The following SDK1 variants were observed in gnomAD, a reference collection of about 807,000 sequenced individuals.
SDK1 encodes the protein protein sidekick-1.
In SDK1, 157 loss-of-function variants were observed where a neutral mutation model predicts 245.5. The ratio of observed to expected loss-of-function variants is 0.64; its 90% CI spans 0.56 to 0.73. SDK1 has a LOEUF of 0.73. Among genes scored for constraint, SDK1 ranks in the 30% least tolerant of loss-of-function variants. SDK1 has a pLI of 0.00. For synonymous variants in SDK1, 1,647 were observed against 1,278.5 expected (o/e 1.29, Z -6.15); for missense variants, 3,583 against 3,002.3 (o/e 1.19, Z -4.52).
chr7:4,123,621 T>C (rs541313680), intron 25 of SDK1, among the ~76,000 whole-genome samples: 1 of 152,330 alleles, frequency 6.6e-6, no homozygotes, highest in East Asian at 1.9e-4. Context: ...GACACCTCTC[T>C]ACTCAAATAA....
intron 19 of SDK1, among the ~76,000 whole-genome samples, chr7:4,062,390 A>C (rs1779599594): frequency 6.6e-6 from 1 of 151,140 alleles, no homozygotes; most frequent in Admixed American, 6.6e-5. Context: ...AACACATACA[A>C]CCTACCAAGA....
In SDK1 at chr7:3,859,011, C is replaced by T. The variant is rs547209472; in HGVS notation, c.847+37428C>T. On this transcript the variant is annotated intron_variant, in intron 5 of 44. Transcript: ENST00000404826. ...CCGAGTAGCTGGGACCACAGGCGCC[C>T]GCCACCATGCCCGGCTAATTTTTTG... Among the ~76,000 whole-genome samples the T allele has an allele frequency of 6.0e-5, 9 of 150,648 alleles. No homozygotes were observed. In the South Asian group the frequency reaches 1.0e-3, roughly 18 times the overall value.
intron 5 of SDK1, among the ~76,000 whole-genome samples, chr7:3,918,696 C>T (rs532532918): frequency 2.0e-5 from 3 of 152,300 alleles, no homozygotes; most frequent in Admixed American, 2.0e-4. Flanking sequence ...TGAAACCAGT[C>T]CCTGTGCCAA....
intron 1 of SDK1, among the ~76,000 whole-genome samples, chr7:3,515,620 A>T (rs1474793029): frequency 6.6e-6 from 1 of 152,206 alleles, no homozygotes; most frequent in Non-Finnish European, 1.5e-5. Context: ...CAAAATTTAA[A>T]ACTGAAGGAA....
At position 4,265,140 on chromosome 7, in the gene SDK1, A is replaced by G. The variant is rs1788379863; in HGVS notation, c.6398A>G (p.Tyr2133Cys). 1 of 1,612,018 alleles carries G rather than the reference A, an allele frequency of 6.2e-7. No individual in the cohort carries two copies. Among genetic ancestry groups the G allele is most frequent in the African/African-American group, 1.3e-5 (1 of 75,026 alleles). ...ASESEATDSD[Y>C]EDALPKHSFV... is the part of the protein sequence containing the mutation. The stretch of plus-strand genomic sequence containing the variant: ...TCCCCGCAGGCCACGGACTCTGACT[A>G]CGAGGACGCGCTGCCCAAGCACTCC... Residue 2133 changes from tyrosine to cysteine, a missense_variant, in exon 45 of 45, where the codon TAC becomes TGC. By Grantham distance (194) the Tyr-to-Cys change is radical (BLOSUM62 -2). Coordinates refer to ENST00000404826, the MANE Select transcript of SDK1 (RefSeq NM_152744.4).
chr7:3,654,436 T>C (rs1783100927), intron 4 of SDK1, among the ~76,000 whole-genome samples: 2 of 152,288 alleles, frequency 1.3e-5, no homozygotes, highest in Admixed American at 1.3e-4. Flanking sequence ...TGGACTCCGA[T>C]GCTTGTGAGG....
chr7:4,064,978 G>C (rs1253762801), intron 19 of SDK1, among the ~76,000 whole-genome samples: 2 of 152,154 alleles, frequency 1.3e-5, no homozygotes, highest in Non-Finnish European at 2.9e-5. Context: ...AACAGAAGGA[G>C]TAAGTTCCAA....
intron 28 of SDK1, among the ~76,000 whole-genome samples, chr7:4,133,617 G>A (rs1025258792): frequency 8.5e-5 from 13 of 152,214 alleles, no homozygotes; most frequent in African/African-American, 2.2e-4. Flanking sequence ...AGCCAAGACC[G>A]AATGCTTTCA....
At chr7:3,600,791 G>T (rs934881845) in intron 1 of SDK1, among the ~76,000 whole-genome samples, 4 of 151,900 alleles carry the variant, frequency 2.6e-5, no homozygotes, top group Non-Finnish European at 5.9e-5. Context: ...CTCATGATCC[G>T]GCCATCTCGG....
At chr7:3,740,602 C>T (rs955641080) in intron 4 of SDK1, among the ~76,000 whole-genome samples, 2 of 152,142 alleles carry the variant, frequency 1.3e-5, no homozygotes, top group Non-Finnish European at 2.9e-5. Context: ...TTAGTGGCTT[C>T]AAGGCTATTG....
chr7:4,198,883 G>T (rs930740965), intron 35 of SDK1, among the ~76,000 whole-genome samples: 1 of 150,282 alleles, frequency 6.7e-6, no homozygotes, highest in Non-Finnish European at 1.5e-5. Flanking sequence ...GCGTGATCTC[G>T]GCTCACTGCA....
chr7:3,791,288 G>C (rs1487840301), intron 4 of SDK1, among the ~76,000 whole-genome samples: 2 of 152,156 alleles, frequency 1.3e-5, no homozygotes, highest in African/African-American at 4.8e-5. Flanking sequence ...TGGAACTACA[G>C]CCAGTGAGTA....
intron 5 of SDK1, among the ~76,000 whole-genome samples, chr7:3,825,981 T>C (rs1369243864): frequency 1.3e-5 from 2 of 152,234 alleles, no homozygotes; most frequent in Non-Finnish European, 2.9e-5. Flanking sequence ...ATAGATTGTA[T>C]GACACTTTAC....
intron 1 of SDK1, among the ~76,000 whole-genome samples, chr7:3,449,343 C>A (rs1343815224): frequency 6.6e-6 from 1 of 151,086 alleles, no homozygotes; most frequent in Non-Finnish European, 1.5e-5. Flanking sequence ...ATAATGTCCT[C>A]AGGCTTGGTG....
rs749991713 is a variant in SDK1, at chr7:4,065,694, GTTTTTTTTTTTTT to G, written c.2912-2121_2912-2109del. Among the ~76,000 whole-genome samples, 216 of 66,704 alleles carry G rather than the reference GTTTTTTTTTTTTT, an allele frequency of 3.2e-3. 1 individual carries two copies. The highest frequency in any genetic ancestry group is 7.0e-3 in the African/African-American group (204 of 29,212). The allele number at this position is 66,704 out of a possible 152,430, so 43.8% of individuals were successfully genotyped here. A position where few individuals can be genotyped will look rare whatever the true frequency, so the allele number is the denominator to read the frequency against. On this transcript the variant is annotated intron_variant, in intron 19 of 44. Coordinates refer to ENST00000404826, the MANE Select transcript of SDK1 (RefSeq NM_152744.4). ...AGTTTCACCCAGATGAGTGGTTGTT[GTTTTTTTTTTTTT>G]TTTTTTTTTTTTTTTTTTTTTTGAG...
chr7:3,664,023 A>G (rs1343491483), intron 4 of SDK1, among the ~76,000 whole-genome samples: 2 of 149,704 alleles, frequency 1.3e-5, no homozygotes, highest in Non-Finnish European at 3.0e-5. Context: ...CATTTTGGGT[A>G]CATTGTACCT....
chr7:4,265,346 G>A lies in SDK1; in HGVS notation c.6604G>A (p.Ala2202Thr), dbSNP rs934819724. 6.8e-7 allele frequency: 1 copy of A among 1,464,072 alleles called. No individual in the cohort carries two copies. Among genetic ancestry groups the A allele is most frequent in the South Asian group, 1.4e-5 (1 of 70,774 alleles). The allele number at this position is 1,464,072 out of a possible 1,614,324, so 90.7% of individuals were successfully genotyped here. ...GGVYTPAGPG[A>T]RTPLTGFSSF... The stretch of plus-strand genomic sequence containing the variant: ...CGTCTACACCCCCGCTGGCCCCGGC[G>A]CGCGAACTCCGCTCACCGGCTTCTC... Residue 2202 changes from alanine to threonine, a missense_variant, in exon 45 of 45, where the codon GCG becomes ACG. Transcript: ENST00000404826.
intron 22 of SDK1, among the ~76,000 whole-genome samples, chr7:4,108,160 C>T (rs189276100): frequency 1.2e-4 from 19 of 152,270 alleles, no homozygotes; most frequent in African/African-American, 4.6e-4. Flanking sequence ...GTTCCAGTCT[C>T]AGCATTGTGC....
At chr7:3,934,305 T>C (rs1434095970) in intron 5 of SDK1, among the ~76,000 whole-genome samples, 1 of 152,246 alleles carries the variant, frequency 6.6e-6, no homozygotes, top group Non-Finnish European at 1.5e-5. Flanking sequence ...TCAAACCATT[T>C]GTTAAGACAA....
Sources: gnomAD v4.1 joint callset for allele counts (sites outside exome capture counted in the v4.1 genomes callset) on GRCh38, gnomAD v4.1.1 for gene constraint, MANE v1.5 for transcripts, NCBI Gene and HGNC (gene_info 2026-07-23, HGNC 2026-07-21) for gene names.